Variants in PCSK5 observed in about 807,000 individuals in gnomAD.
PCSK5 encodes prohormone convertase 5.
In PCSK5, 129 loss-of-function variants were observed where a neutral mutation model predicts 233.2. The ratio of observed to expected loss-of-function variants is 0.55; its 90% confidence interval spans 0.48 to 0.64. The LOEUF is 0.64. Among genes scored for constraint, PCSK5 ranks in the 30% least tolerant of loss-of-function variants. PCSK5 has a pLI of 0.00. For missense variants in PCSK5, 2,076 were observed against 2,430.1 expected (o/e 0.85, Z 3.06); for synonymous variants, 825 against 879.2 (o/e 0.94, Z 1.09).
intron 24 of PCSK5, among the ~76,000 whole-genome samples, chr9:76,246,434 G>T (rs1233746577): frequency 6.6e-6 from 1 of 151,354 alleles, no homozygotes; most frequent in African/African-American, 2.4e-5. Context: ...AGTTCTATAG[G>T]CAAGGTTGTA....
intron 24 of PCSK5, among the ~76,000 whole-genome samples, chr9:76,250,358 C>G (rs1021301991): frequency 2.6e-5 from 4 of 152,110 alleles, no homozygotes; most frequent in Admixed American, 6.6e-5. Context: ...TGACTTTTAT[C>G]CAAGAGCACA....
At chr9:76,019,089 G>C (rs1038836286) in intron 3 of PCSK5, among the ~76,000 whole-genome samples, 8 of 152,150 alleles carry the variant, frequency 5.3e-5, no homozygotes, top group Non-Finnish European at 1.0e-4. Flanking sequence ...TACCTAGGCT[G>C]ATTAAGTCTC....
At chr9:76,048,757 G>A (rs1046931160) in intron 5 of PCSK5, among the ~76,000 whole-genome samples, 6 of 152,138 alleles carry the variant, frequency 3.9e-5, no homozygotes, top group Non-Finnish European at 5.9e-5. Context: ...AAAGATAAGT[G>A]ATCCTTACAA....
chr9:75,914,765 C>T (rs1822908673), intron 1 of PCSK5, among the ~76,000 whole-genome samples: 1 of 151,972 alleles, frequency 6.6e-6, no homozygotes, highest in Admixed American at 6.6e-5. Flanking sequence ...TTATATTTAT[C>T]AGGGCCTGTG....
intron 2 of PCSK5, among the ~76,000 whole-genome samples, chr9:75,950,203 C>A (rs1203526403): frequency 6.6e-6 from 1 of 150,572 alleles, no homozygotes; most frequent in Non-Finnish European, 1.5e-5. Context: ...ACAACAAGGG[C>A]CTTTTATTTA....
At chr9:76,037,545 A>G (rs986138815) in intron 5 of PCSK5, among the ~76,000 whole-genome samples, 1 of 152,146 alleles carries the variant, frequency 6.6e-6, no homozygotes, top group African/African-American at 2.4e-5. Context: ...ACATTTCTCT[A>G]TTTGGGGATA....
intron 20 of PCSK5, among the ~76,000 whole-genome samples, chr9:76,222,645 GT>G (rs1488709238): frequency 1.6e-4 from 24 of 152,094 alleles, no homozygotes; most frequent in African/African-American, 5.8e-4. Flanking sequence ...TGTCTTCAAG[GT>G]TCATCCATGT....
At chr9:76,188,235 C>T (rs1488255075) in intron 17 of PCSK5, among the ~76,000 whole-genome samples, 1 of 152,158 alleles carries the variant, frequency 6.6e-6, no homozygotes, top group Non-Finnish European at 1.5e-5. Context: ...TATTGCTAGA[C>T]AATGTGATTG....
intron 24 of PCSK5, among the ~76,000 whole-genome samples, chr9:76,265,505 G>C (rs1349033428): frequency 1.3e-5 from 2 of 152,144 alleles, no homozygotes; most frequent in Admixed American, 6.6e-5. Context: ...AAATAAATGA[G>C]ATGAATAAAT....
intron 10 of PCSK5, among the ~76,000 whole-genome samples, chr9:76,148,920 A>T (rs998532359): frequency 2.0e-5 from 3 of 152,210 alleles, no homozygotes; most frequent in Non-Finnish European, 2.9e-5. Context: ...CCAGCCGTGC[A>T]TTCCAGGACC....
chr9:75,898,251 A>G (rs1825891125), intron 1 of PCSK5, among the ~76,000 whole-genome samples: 4 of 152,224 alleles, frequency 2.6e-5, no homozygotes, highest in Non-Finnish European at 1.5e-5. Flanking sequence ...CACCTGAATA[A>G]TTCTGAGTTC....
intron 5 of PCSK5, among the ~76,000 whole-genome samples, chr9:76,045,730 C>A (rs1328637471): frequency 1.3e-5 from 2 of 152,142 alleles, no homozygotes; most frequent in African/African-American, 4.8e-5. Flanking sequence ...TAATAACTGA[C>A]TTGTTATGGT....
At chr9:76,168,347 C>T (rs1317566744) in intron 12 of PCSK5, among the ~76,000 whole-genome samples, 1 of 152,192 alleles carries the variant, frequency 6.6e-6, no homozygotes, top group Non-Finnish European at 1.5e-5. Flanking sequence ...CGGGGTTTCA[C>T]CATGTTGGCC....
intron 24 of PCSK5, among the ~76,000 whole-genome samples, chr9:76,284,595 C>T (rs774301364): frequency 2.3e-4 from 33 of 145,906 alleles, no homozygotes; most frequent in Non-Finnish European, 4.8e-4. Context: ...TGCAATGGCG[C>T]GATCTCAGCT....
chr9:76,093,080 CTTTTT>C (rs71372045), intron 7 of PCSK5, among the ~76,000 whole-genome samples: 2 of 85,680 alleles, frequency 2.3e-5, no homozygotes, highest in Non-Finnish European at 4.5e-5. Flanking sequence ...TTGTCTTTCC[CTTTTT>C]TTTTTTTTTT....
chr9:76,323,030 T>A, intron 31 of PCSK5, 22 bp from the exon 32 acceptor site: 1 of 1,373,254 alleles, frequency 7.3e-7, no homozygotes, highest in Non-Finnish European at 1.0e-6. Context: ...GGGGATAACT[T>A]GCTGCTTCCT....
At chr9:75,998,340 T>C (rs1827112288) in intron 3 of PCSK5, among the ~76,000 whole-genome samples, 2 of 152,184 alleles carry the variant, frequency 1.3e-5, no homozygotes, top group South Asian at 4.1e-4. Flanking sequence ...TTTGTGCATT[T>C]ACACAAGCAC....
intron 34 of PCSK5, among the ~76,000 whole-genome samples, chr9:76,334,312 A>G (rs1178314203): frequency 6.6e-6 from 1 of 152,220 alleles, no homozygotes; most frequent in Non-Finnish European, 1.5e-5. Flanking sequence ...TGACTTTAAG[A>G]GTTTATTCTT....
intron 24 of PCSK5, among the ~76,000 whole-genome samples, chr9:76,273,204 A>G (rs1827580018): frequency 6.6e-6 from 1 of 152,078 alleles, no homozygotes; most frequent in African/African-American, 2.4e-5. Context: ...TGCTTCCTCA[A>G]GAAACCATGA....
Sources: gnomAD v4.1 joint callset for allele counts (sites outside exome capture counted in the v4.1 genomes callset) on GRCh38, gnomAD v4.1.1 for gene constraint, MANE v1.5 for transcripts, NCBI Gene and HGNC (gene_info 2026-07-23, HGNC 2026-07-21) for gene names.